NAALAD2: variants seen among roughly 807,000 people sequenced by gnomAD.
NAALAD2 encodes N-acetylated alpha-linked acidic dipeptidase 2.
NAALAD2 carries 89 observed loss-of-function variants against 95.6 expected under a neutral mutation model. The ratio of observed to expected loss-of-function variants is 0.93; its 90% CI spans 0.78 to 1.11. The LOEUF is 1.11. Ranked by LOEUF, NAALAD2 falls within the 50% of genes least tolerant of loss-of-function variation. The probability of loss-of-function intolerance (pLI) is 0.00; values close to 1 mark genes in which losing one functional copy is unlikely to be tolerated. For synonymous variants in NAALAD2, 264 were observed against 294.4 expected (o/e 0.90, Z 1.06); for missense variants, 894 against 872.4 (o/e 1.02, Z -0.31).
intron 11 of NAALAD2, among the ~76,000 whole-genome samples, chr11:90,165,357 T>G (rs1043050356): frequency 6.6e-6 from 1 of 152,190 alleles, no homozygotes; most frequent in African/African-American, 2.4e-5. Flanking sequence ...CTGGGTCCAG[T>G]AGTATTTCCA....
At chr11:90,157,979 A>G (rs924009871) in intron 6 of NAALAD2, among the ~76,000 whole-genome samples, 166 bp from the exon 7 acceptor site, 3 of 152,176 alleles carry the variant, frequency 2.0e-5, no homozygotes, top group Non-Finnish European at 2.9e-5. Context: ...TCTGCCTCCG[A>G]AAGTGCTGGG....
At chr11:90,167,460 C>T (rs1365481606) in intron 11 of NAALAD2, among the ~76,000 whole-genome samples, 9 of 152,294 alleles carry the variant, frequency 5.9e-5, no homozygotes, top group Middle Eastern at 3.4e-3. Flanking sequence ...CGGAGCCTCC[C>T]GACGAGCACC....
intron 18 of NAALAD2, among the ~76,000 whole-genome samples, chr11:90,191,016 T>A (rs1297949501): frequency 1.3e-5 from 2 of 152,128 alleles, no homozygotes; most frequent in Non-Finnish European, 1.5e-5. Context: ...AAGTTGAGTG[T>A]CTTTGCGGGC....
intron 14 of NAALAD2, among the ~76,000 whole-genome samples, chr11:90,174,805 C>T (rs1475900686): frequency 6.6e-6 from 1 of 151,864 alleles, no homozygotes; most frequent in African/African-American, 2.4e-5. Flanking sequence ...ATTTCTAATA[C>T]AGACTGAGCA....
chr11:90,134,686 G>A lies in NAALAD2; in HGVS notation c.-73G>A, dbSNP rs866490828. 2.7e-6 allele frequency: 4 copies of A among 1,474,412 alleles called. No individual in the cohort carries two copies. Among genetic ancestry groups the A allele is most frequent in the Middle Eastern group, 2.4e-4 (1 of 4,242 alleles). 91.3% of individuals were successfully genotyped at this position (1,474,412 alleles called of 1,614,324 possible). A position where few individuals can be genotyped will look rare whatever the true frequency, so the allele number is the denominator to read the frequency against. On this transcript the variant is annotated 5_prime_UTR_variant, in exon 1 of 19. Transcript: ENST00000534061. ...CCAGAGCTCACAGCCTCCTGCCAGC[G>A]CGCTCTCTGTTTCTCTGCAGCCCCG...
intron 3 of NAALAD2, among the ~76,000 whole-genome samples, chr11:90,147,846 G>A (rs1222925808): frequency 2.0e-5 from 3 of 152,184 alleles, no homozygotes; most frequent in Non-Finnish European, 4.4e-5. Flanking sequence ...GTCTTGACAC[G>A]TGAGTCATGA....
intron 3 of NAALAD2, among the ~76,000 whole-genome samples, chr11:90,148,253 A>T (rs1356279304): frequency 2.0e-5 from 3 of 152,158 alleles, no homozygotes; most frequent in Non-Finnish European, 4.4e-5. Context: ...AAAGATAATA[A>T]AGTTTTAAAT....
At chr11:90,165,629 C>T (rs1211189565) in intron 11 of NAALAD2, among the ~76,000 whole-genome samples, 1 of 152,198 alleles carries the variant, frequency 6.6e-6, no homozygotes, top group Non-Finnish European at 1.5e-5. Flanking sequence ...TTGTTGATTA[C>T]ATTTACACTG....
chr11:90,139,244 A>G (rs1378419497), intron 2 of NAALAD2, among the ~76,000 whole-genome samples: 1 of 151,780 alleles, frequency 6.6e-6, no homozygotes, highest in Non-Finnish European at 1.5e-5. Context: ...TTGTACAAAC[A>G]AAAGACTGAA....
chr11:90,163,833 T>C (rs1423577099), intron 11 of NAALAD2: 2 of 466,104 alleles, frequency 4.3e-6, no homozygotes, highest in African/African-American at 4.0e-5. Context: ...TTGCCTCTTG[T>C]CAAAATATTT....
intron 8 of NAALAD2, among the ~76,000 whole-genome samples, chr11:90,161,491 G>C (rs1047483981): frequency 6.6e-6 from 1 of 152,096 alleles, no homozygotes; most frequent in Admixed American, 6.5e-5. Flanking sequence ...CTGGGTTCTG[G>C]GGATTCAGCA....
At chr11:90,152,635 A>T (rs7937708) in intron 6 of NAALAD2, 151 bp downstream of exon 6, 1 of 569,970 alleles carries the variant, frequency 1.8e-6, no homozygotes. Context: ...ATTTTAAAAC[A>T]TTTGCTCTTG....
intron 12 of NAALAD2, chr11:90,169,475 A>C (rs868379088): frequency 1.3e-5 from 2 of 152,756 alleles, no homozygotes; most frequent in African/African-American, 4.9e-5. Flanking sequence ...ACCTGAGCCC[A>C]GGAGTGTAAG....
chr11:90,184,863 G>GA (rs929296602), intron 18 of NAALAD2, among the ~76,000 whole-genome samples: 18 of 149,198 alleles, frequency 1.2e-4, no homozygotes, highest in Non-Finnish European at 1.0e-4. Flanking sequence ...GAATATATTT[G>GA]AAAAAAAAAT....
intron 6 of NAALAD2, among the ~76,000 whole-genome samples, chr11:90,155,096 C>T (rs1219638155): frequency 4.3e-5 from 5 of 116,054 alleles, no homozygotes; most frequent in South Asian, 2.4e-4. Flanking sequence ...ATATTATATA[C>T]GTATACATAT....
At chr11:90,166,228 G>A (rs1037696910) in intron 11 of NAALAD2, among the ~76,000 whole-genome samples, 2 of 151,026 alleles carry the variant, frequency 1.3e-5, no homozygotes, top group Admixed American at 6.6e-5. Flanking sequence ...GCGGTGAAGG[G>A]CTCTCTCAGC....
chr11:90,149,134 A>G (rs1156468955), intron 4 of NAALAD2, 27 bp downstream of exon 4: 1 of 1,437,984 alleles, frequency 7.0e-7, no homozygotes, highest in Non-Finnish European at 9.7e-7. Context: ...TTGTAATCCA[A>G]GTCTTTAAAT....
At chr11:90,156,265 C>T (rs1379925252) in intron 6 of NAALAD2, among the ~76,000 whole-genome samples, 2 of 151,940 alleles carry the variant, frequency 1.3e-5, no homozygotes, top group African/African-American at 2.4e-5. Flanking sequence ...TCTTGCTATG[C>T]TACCCAGGCC....
intron 7 of NAALAD2, 171 bp from the exon 8 acceptor site, chr11:90,159,068 C>G (rs576089263): frequency 1.7e-6 from 1 of 605,526 alleles, no homozygotes; most frequent in South Asian, 1.9e-5. Flanking sequence ...CAGTATGGCT[C>G]TCTTGCTAGA....
Sources: allele counts gnomAD v4.1 joint callset (sites outside exome capture counted in the v4.1 genomes callset), GRCh38; gene constraint gnomAD v4.1.1; transcripts MANE v1.5; gene names NCBI Gene and HGNC (gene_info 2026-07-23, HGNC 2026-07-21).